Variants in LPAR1 observed in about 807,000 individuals in gnomAD.
The protein encoded by LPAR1 is LPA receptor 1.
A neutral mutation model predicts 23.8 loss-of-function variants in LPAR1; 5 were observed. That is an observed-to-expected ratio of 0.21 (90% CI 0.11 to 0.44). The LOEUF is 0.44. LPAR1 is among the 20% of genes least tolerant of loss of function. The pLI is 0.99. For synonymous variants in LPAR1, 160 were observed against 164.7 expected (o/e 0.97, Z 0.22); for missense variants, 311 against 482.8 (o/e 0.64, Z 3.33).
chr9:110,952,120 T>G (rs565121511), intron 4 of LPAR1, among the ~76,000 whole-genome samples: 72 of 152,236 alleles, frequency 4.7e-4, no homozygotes, highest in Non-Finnish European at 9.0e-4. Context: ...AGTACTAGAA[T>G]TCAACAGAGA....
chr9:110,892,433 A>C (rs1218978969), intron 5 of LPAR1, among the ~76,000 whole-genome samples: 1 of 152,120 alleles, frequency 6.6e-6, no homozygotes, highest in Non-Finnish European at 1.5e-5. Context: ...TGGGAGGCCG[A>C]GGCAGGTGGA....
chr9:110,947,190 G>C (rs1163024458), intron 4 of LPAR1, among the ~76,000 whole-genome samples: 6 of 151,952 alleles, frequency 3.9e-5, no homozygotes, highest in Admixed American at 6.6e-5. Flanking sequence ...AGAAATTTTG[G>C]GAAGAACAAA....
intron 5 of LPAR1, among the ~76,000 whole-genome samples, chr9:110,919,609 A>G (rs1276756710): frequency 6.6e-6 from 1 of 152,232 alleles, no homozygotes; most frequent in Admixed American, 6.5e-5. Flanking sequence ...ACAGAAAAAA[A>G]TGTAACGGAA....
intron 4 of LPAR1, among the ~76,000 whole-genome samples, chr9:110,947,883 A>G (rs2095437329): frequency 6.6e-6 from 1 of 151,888 alleles, no homozygotes; most frequent in African/African-American, 2.4e-5. Flanking sequence ...TCTAAGGGAG[A>G]CTGTAATCTA....
intron 2 of LPAR1, among the ~76,000 whole-genome samples, chr9:110,991,284 G>A (rs921235318): frequency 2.0e-5 from 3 of 152,162 alleles, no homozygotes; most frequent in Non-Finnish European, 4.4e-5. Flanking sequence ...CTGTGACAAC[G>A]TGTAGCTCTC....
At chr9:110,995,716 C>T (rs1189654702) in intron 2 of LPAR1, among the ~76,000 whole-genome samples, 2 of 152,146 alleles carry the variant, frequency 1.3e-5, no homozygotes, top group African/African-American at 4.8e-5. Flanking sequence ...TGAATAGCAT[C>T]TCAAATGTTA....
chr9:110,912,661 A>C (rs1362110841), intron 5 of LPAR1, among the ~76,000 whole-genome samples: 2 of 152,162 alleles, frequency 1.3e-5, no homozygotes, highest in Non-Finnish European at 2.9e-5. Flanking sequence ...TCTAAATTTG[A>C]ACAAACTATT....
intron 2 of LPAR1, among the ~76,000 whole-genome samples, chr9:111,030,169 T>C (rs1209137108): frequency 1.3e-5 from 2 of 152,076 alleles, no homozygotes; most frequent in Admixed American, 6.6e-5. Flanking sequence ...AGAGAACAGA[T>C]TGTGCTAAAT....
chr9:110,934,885 T>G (rs1331501655), intron 5 of LPAR1, among the ~76,000 whole-genome samples: 2 of 151,432 alleles, frequency 1.3e-5, no homozygotes, highest in African/African-American at 4.9e-5. Context: ...GAGCACAAAC[T>G]TAATATAAAA....
At chr9:110,972,050 C>G (rs762097971) in intron 4 of LPAR1, 23 bp downstream of exon 4, 1 of 1,608,044 alleles carries the variant, frequency 6.2e-7, no homozygotes, top group South Asian at 1.1e-5. Context: ...TACCTCAGAC[C>G]TCTGCTAGTT....
intron 5 of LPAR1, among the ~76,000 whole-genome samples, chr9:110,894,797 C>T (rs941724929): frequency 1.3e-5 from 2 of 152,032 alleles, no homozygotes; most frequent in Non-Finnish European, 2.9e-5. Context: ...AGGAGGATCG[C>T]TTGAGCCCAG....
intron 2 of LPAR1, among the ~76,000 whole-genome samples, chr9:110,984,361 A>G (rs2096735186): frequency 6.6e-6 from 1 of 152,072 alleles, no homozygotes. Flanking sequence ...ACTTCACTTA[A>G]CACAGTGACC....
At chr9:111,001,327 A>G (rs2097124715) in intron 2 of LPAR1, among the ~76,000 whole-genome samples, 1 of 152,250 alleles carries the variant, frequency 6.6e-6, no homozygotes, top group African/African-American at 2.4e-5. Flanking sequence ...AAAATAGCCA[A>G]GACAAATTAA....
chr9:110,891,495 G>C (rs2084164403), intron 5 of LPAR1, among the ~76,000 whole-genome samples: 1 of 152,164 alleles, frequency 6.6e-6, no homozygotes, highest in Non-Finnish European at 1.5e-5. Context: ...ACAGGTTTAA[G>C]CTAGTTTGGT....
chr9:110,949,896 T>A (rs2095515507), intron 4 of LPAR1, among the ~76,000 whole-genome samples: 1 of 152,088 alleles, frequency 6.6e-6, no homozygotes, highest in East Asian at 1.9e-4. Flanking sequence ...ATTTAAAAAA[T>A]GTGGTTACAT....
chr9:110,931,259 T>G (rs1398958709), intron 5 of LPAR1, among the ~76,000 whole-genome samples: 2 of 152,222 alleles, frequency 1.3e-5, no homozygotes, highest in Non-Finnish European at 2.9e-5. Flanking sequence ...AAATACAGCA[T>G]TCACATAGCA....
chr9:110,879,621 C>A (rs2080167460), intron 5 of LPAR1, among the ~76,000 whole-genome samples: 1 of 152,134 alleles, frequency 6.6e-6, no homozygotes, highest in Non-Finnish European at 1.5e-5. Flanking sequence ...AAATAAAGAC[C>A]TTCACCCACA....
At chr9:111,022,285 C>T (rs139480706) in intron 2 of LPAR1, among the ~76,000 whole-genome samples, 254 of 152,170 alleles carry the variant, frequency 1.7e-3, no homozygotes, top group African/African-American at 5.9e-3. Context: ...ATTTCAAGTC[C>T]TCCATTTTAA....
chr9:110,981,021 C>G (rs2096654759), intron 2 of LPAR1, among the ~76,000 whole-genome samples: 1 of 152,004 alleles, frequency 6.6e-6, no homozygotes, highest in African/African-American at 2.4e-5. Flanking sequence ...CTGTAAGTAA[C>G]TTTATGTTTA....
Sources: gnomAD v4.1 joint callset for allele counts (sites outside exome capture counted in the v4.1 genomes callset) on GRCh38, gnomAD v4.1.1 for gene constraint, MANE v1.5 for transcripts, NCBI Gene and HGNC (gene_info 2026-07-23, HGNC 2026-07-21) for gene names.